The following SLC30A6 variants were observed in gnomAD, a reference collection of about 807,000 sequenced individuals.
SLC30A6 encodes the protein zinc transporter 6.
A neutral mutation model predicts 63.0 loss-of-function variants in SLC30A6; 55 were observed. The observed-to-expected ratio is 0.87, with a 90% CI of 0.70 to 1.09. SLC30A6 has a LOEUF of 1.09. SLC30A6 is among the 50% of genes least tolerant of loss of function. The probability of loss-of-function intolerance (pLI) is 0.00; values close to 1 mark genes in which losing one functional copy is unlikely to be tolerated. For synonymous variants in SLC30A6, 224 were observed against 186.1 expected, an observed-to-expected ratio of 1.20 and a Z score of -1.66; for missense variants, 587 against 549.2, an observed-to-expected ratio of 1.07 and a Z score of -0.69.
intron 10 of SLC30A6, chr2:32,203,564 C>T (rs1684481223): frequency 6.2e-7 from 1 of 1,601,958 alleles, no homozygotes; most frequent in African/African-American, 1.3e-5. Context: ...GGATTTGTGA[C>T]CATGACTCTG....
intron 8 of SLC30A6, among the ~76,000 whole-genome samples, chr2:32,195,920 T>C (rs192526372): frequency 6.6e-6 from 1 of 152,096 alleles, no homozygotes; most frequent in African/African-American, 2.4e-5. Flanking sequence ...CTTGGTAGCA[T>C]GTGCCTCTAG....
chr2:32,218,271 A>G (rs1281835274), intron 13 of SLC30A6, among the ~76,000 whole-genome samples: 4 of 152,192 alleles, frequency 2.6e-5, no homozygotes, highest in African/African-American at 9.7e-5. Context: ...GAAAACAAAA[A>G]AACAAAACCA....
chr2:32,194,398 T>C (rs184836613), intron 8 of SLC30A6, among the ~76,000 whole-genome samples: 24 of 152,246 alleles, frequency 1.6e-4, no homozygotes, highest in African/African-American at 4.8e-4. Context: ...GGAACTTCTC[T>C]TTGGCAATGG....
chr2:32,188,892 A>G (rs1683076097), intron 5 of SLC30A6, among the ~76,000 whole-genome samples: 1 of 152,176 alleles, frequency 6.6e-6, no homozygotes, highest in Admixed American at 6.5e-5. Context: ...CTAACATTGC[A>G]TATTAGTTTT....
intron 12 of SLC30A6, 40 bp downstream of exon 12, chr2:32,206,973 CA>C: frequency 6.7e-7 from 1 of 1,486,284 alleles, no homozygotes; most frequent in Non-Finnish European, 9.4e-7. Flanking sequence ...TATTTTATAT[CA>C]GGGAATTGAA....
intron 2 of SLC30A6, among the ~76,000 whole-genome samples, chr2:32,173,577 GGC>G (rs1681434116): frequency 6.6e-6 from 1 of 151,994 alleles, no homozygotes; most frequent in African/African-American, 2.4e-5. Context: ...TCACCATGTT[GGC>G]TAGGCTGATC....
intron 10 of SLC30A6, chr2:32,202,103 A>G (rs1430957516): frequency 1.3e-6 from 1 of 755,310 alleles, no homozygotes; most frequent in Non-Finnish European, 2.2e-6. Context: ...ACCTTAACAC[A>G]TGAACAGAAA....
intron 2 of SLC30A6, among the ~76,000 whole-genome samples, chr2:32,171,983 C>T (rs1414429842): frequency 3.3e-5 from 5 of 152,086 alleles, no homozygotes; most frequent in Admixed American, 6.5e-5. Flanking sequence ...CGTGAACCAC[C>T]GTGCCTGGCC....
At chr2:32,208,299 T>A (rs1684958007) in intron 12 of SLC30A6, among the ~76,000 whole-genome samples, 1 of 151,730 alleles carries the variant, frequency 6.6e-6, no homozygotes, top group African/African-American at 2.4e-5. Flanking sequence ...CCTGGCTAAT[T>A]TTTGTATTTT....
intron 8 of SLC30A6, among the ~76,000 whole-genome samples, chr2:32,196,559 A>G (rs212754): frequency 0.73 from 110,415 of 151,944 alleles, 40,490 homozygotes; most frequent in African/African-American, 0.79. Flanking sequence ...CACATTTTAG[A>G]TTGTCTTAGA....
At chr2:32,186,375 G>C (rs369239942) in intron 5 of SLC30A6, among the ~76,000 whole-genome samples, 1 of 152,198 alleles carries the variant, frequency 6.6e-6, no homozygotes, top group Non-Finnish European at 1.5e-5. Context: ...ATCTGCCACT[G>C]CAAGTGACAG....
At chr2:32,166,040 C>A in intron 1 of SLC30A6, 137 bp downstream of exon 1, 2 of 1,255,984 alleles carry the variant, frequency 1.6e-6, no homozygotes, top group Non-Finnish European at 2.3e-6. Flanking sequence ...TTGGCAGGAG[C>A]GGCTGTCTCC....
intron 13 of SLC30A6, among the ~76,000 whole-genome samples, chr2:32,218,800 A>G (rs212700): frequency 0.64 from 97,661 of 151,948 alleles, 31,628 homozygotes; most frequent in African/African-American, 0.68. Context: ...CAGGTGATCC[A>G]CCTGCCTTGG....
intron 13 of SLC30A6, among the ~76,000 whole-genome samples, chr2:32,218,698 A>G (rs1419106127): frequency 6.6e-6 from 1 of 152,198 alleles, no homozygotes; most frequent in African/African-American, 2.4e-5. Context: ...TTGGGATTAC[A>G]GGTGCATGCC....
intron 5 of SLC30A6, among the ~76,000 whole-genome samples, chr2:32,189,138 A>T (rs2148844113): frequency 6.6e-6 from 1 of 152,188 alleles, no homozygotes; most frequent in African/African-American, 2.4e-5. Context: ...CTTTGAGTGG[A>T]ATTAGTTTGG....
intron 5 of SLC30A6, among the ~76,000 whole-genome samples, chr2:32,186,791 G>C (rs1174051680): frequency 6.6e-6 from 1 of 151,822 alleles, no homozygotes; most frequent in Non-Finnish European, 1.5e-5. Flanking sequence ...GAGTTTAGGA[G>C]TTTGAGACCA....
chr2:32,203,359 G>T, intron 10 of SLC30A6: 1 of 964,856 alleles, frequency 1.0e-6, no homozygotes, highest in Non-Finnish European at 1.7e-6. Flanking sequence ...CTTCTACAAT[G>T]GATTTAGTTA....
At chr2:32,203,371 A>AT (rs1206477068) in intron 10 of SLC30A6, 5 of 1,031,962 alleles carry the variant, frequency 4.8e-6, no homozygotes, top group Admixed American at 3.4e-5. Context: ...ATTTAGTTAA[A>AT]TCTAAAAGCA....
At chr2:32,203,451 T>TA (rs1179702258) in intron 10 of SLC30A6, 3 of 1,550,164 alleles carry the variant, frequency 1.9e-6, no homozygotes, top group Non-Finnish European at 2.7e-6. Context: ...TCAGCTCAGA[T>TA]ACTGACAGAA....
Sources: gnomAD v4.1 joint callset for allele counts (sites outside exome capture counted in the v4.1 genomes callset) on GRCh38, gnomAD v4.1.1 for gene constraint, MANE v1.5 for transcripts, NCBI Gene and HGNC (gene_info 2026-07-23, HGNC 2026-07-21) for gene names.